The following ELMO1 variants were observed in gnomAD, a reference collection of about 807,000 sequenced individuals.
ELMO1 encodes the protein engulfment and cell motility protein 1.
Under a neutral mutation model 98.9 loss-of-function variants are expected in ELMO1, and 26 were observed. That is an observed-to-expected ratio of 0.26 (90% CI 0.19 to 0.36). The LOEUF is 0.36. ELMO1 is among the 10% of genes least tolerant of loss of function. The probability of loss-of-function intolerance (pLI) is 1.00; values close to 1 mark genes in which losing one functional copy is unlikely to be tolerated. For synonymous variants in ELMO1, 346 were observed against 346.0 expected (o/e 1.00, Z 0.00); for missense variants, 627 against 935.2 (o/e 0.67, Z 4.30).
chr7:37,143,384 G>A (rs1787763130), intron 13 of ELMO1, among the ~76,000 whole-genome samples: 1 of 152,172 alleles, frequency 6.6e-6, no homozygotes, highest in Non-Finnish European at 1.5e-5. Context: ...CCCTCTGGCA[G>A]AGTGGGCCTG....
intron 14 of ELMO1, among the ~76,000 whole-genome samples, chr7:37,120,305 C>T (rs1018418557): frequency 3.3e-5 from 5 of 152,212 alleles, no homozygotes; most frequent in African/African-American, 9.6e-5. Flanking sequence ...GCGCACCAAG[C>T]GTGACCCGAA....
At chr7:37,404,679 T>C (rs184808287) in intron 1 of ELMO1, among the ~76,000 whole-genome samples, 27 of 152,294 alleles carry the variant, frequency 1.8e-4, no homozygotes, top group African/African-American at 5.8e-4. Context: ...TTTGTGGCAA[T>C]GTAGCAAGGT....
intron 10 of ELMO1, among the ~76,000 whole-genome samples, chr7:37,219,708 C>G (rs1793489158): frequency 6.6e-6 from 1 of 152,190 alleles, no homozygotes; most frequent in Admixed American, 6.5e-5. Flanking sequence ...GAGACTCGAA[C>G]TCTGATTCTT....
chr7:36,927,933 C>T (rs914712450), intron 16 of ELMO1, among the ~76,000 whole-genome samples: 6 of 152,180 alleles, frequency 3.9e-5, no homozygotes, highest in African/African-American at 1.2e-4. Flanking sequence ...GATCTCACAA[C>T]AGTTCTGGGA....
At chr7:37,078,555 C>G (rs920361493) in intron 15 of ELMO1, among the ~76,000 whole-genome samples, 18 of 152,150 alleles carry the variant, frequency 1.2e-4, no homozygotes, top group African/African-American at 3.9e-4. Flanking sequence ...ATCTACATGA[C>G]TGCTCTGTGA....
chr7:36,945,766 T>C (rs1239937064), intron 16 of ELMO1, among the ~76,000 whole-genome samples: 4 of 152,182 alleles, frequency 2.6e-5, no homozygotes, highest in Non-Finnish European at 5.9e-5. Flanking sequence ...GACGGTACTA[T>C]TTTTAGCAAC....
intron 5 of ELMO1, among the ~76,000 whole-genome samples, chr7:37,259,962 T>A (rs1795897262): frequency 6.6e-6 from 1 of 152,200 alleles, no homozygotes; most frequent in Non-Finnish European, 1.5e-5. Flanking sequence ...AACTAAATAA[T>A]TAGGAAACCA....
chr7:37,131,884 T>C (rs1786944647), intron 14 of ELMO1, among the ~76,000 whole-genome samples: 1 of 152,160 alleles, frequency 6.6e-6, no homozygotes, highest in Non-Finnish European at 1.5e-5. Context: ...AGATTTAAAA[T>C]ATATTTCCTA....
chr7:37,423,592 C>T (rs1285908317), intron 1 of ELMO1, among the ~76,000 whole-genome samples: 1 of 130,276 alleles, frequency 7.7e-6, no homozygotes, highest in Non-Finnish European at 1.8e-5. Context: ...AGAAAACAAA[C>T]AAACAAACAA....
In ELMO1 at chr7:37,192,913, T is replaced by A. The variant is rs539790670; in HGVS notation, c.1086+18473A>T. 2.4e-3 allele frequency among the ~76,000 whole-genome samples: 348 copies of A among 143,714 alleles called. 2 individuals carry two copies. Among genetic ancestry groups the A allele is most frequent in the South Asian group, 0.015 (71 of 4,642 alleles). The allele number at this position is 143,714 out of a possible 152,430, so 94.3% of individuals were successfully genotyped here. A position where few individuals can be genotyped will look rare whatever the true frequency, so the allele number is the denominator to read the frequency against. On this transcript the variant is annotated intron_variant, in intron 13 of 21. Transcript: ENST00000310758. ...ATATTTATCTATAGATACATATATT[T>A]TATATATTATATATAATTTATATAT...
At chr7:37,174,957 A>C (rs548725508) in intron 13 of ELMO1, among the ~76,000 whole-genome samples, 190 of 152,256 alleles carry the variant, frequency 1.2e-3, no homozygotes, top group Non-Finnish European at 2.2e-3. Context: ...CACACTCCAA[A>C]TTTAAAGCCT....
intron 14 of ELMO1, among the ~76,000 whole-genome samples, chr7:37,100,983 C>T (rs1784607567): frequency 1.3e-5 from 2 of 152,338 alleles, no homozygotes; most frequent in African/African-American, 2.4e-5. Context: ...AGGCAAAGTC[C>T]CTAAAACTGC....
chr7:36,966,745 T>C (rs576195346), intron 16 of ELMO1, among the ~76,000 whole-genome samples: 1 of 152,262 alleles, frequency 6.6e-6, no homozygotes, highest in Admixed American at 6.5e-5. Flanking sequence ...AGAGAAATAA[T>C]GAAAAAGAAA....
chr7:37,143,629 A>AATC (rs920799229), intron 13 of ELMO1, among the ~76,000 whole-genome samples: 16 of 150,204 alleles, frequency 1.1e-4, no homozygotes, highest in Admixed American at 1.1e-3. Context: ...CTGATTTCGA[A>AATC]CTCCTGACCT....
upstream of ELMO1, chr7:37,449,092 C>G (rs1282518504): frequency 6.6e-6 from 1 of 152,384 alleles, no homozygotes; most frequent in Non-Finnish European, 1.5e-5. Flanking sequence ...TCCCTGCCCA[C>G]TGCACTTTGC....
At chr7:36,914,505 G>T (rs1428873109) in intron 16 of ELMO1, among the ~76,000 whole-genome samples, 1 of 150,600 alleles carries the variant, frequency 6.6e-6, no homozygotes, top group Non-Finnish European at 1.5e-5. Context: ...TATATGAAAT[G>T]AATGTACATT....
intron 13 of ELMO1, among the ~76,000 whole-genome samples, chr7:37,208,414 G>A (rs1301736492): frequency 1.3e-5 from 2 of 152,232 alleles, no homozygotes; most frequent in Non-Finnish European, 1.5e-5. Context: ...CTACTTGGGA[G>A]CAGAAACATG....
At chr7:37,069,262 T>C (rs1032933577) in intron 15 of ELMO1, among the ~76,000 whole-genome samples, 1 of 152,060 alleles carries the variant, frequency 6.6e-6, no homozygotes, top group Non-Finnish European at 1.5e-5. Context: ...AAAAATGTGC[T>C]TTATCTACAC....
chr7:37,132,800 G>A (rs1787016731), intron 14 of ELMO1, among the ~76,000 whole-genome samples: 1 of 152,076 alleles, frequency 6.6e-6, no homozygotes, highest in African/African-American at 2.4e-5. Context: ...TCTGAATTTG[G>A]AGTCATGCAA....
Sources: gnomAD v4.1 joint callset for allele counts (sites outside exome capture counted in the v4.1 genomes callset) on GRCh38, gnomAD v4.1.1 for gene constraint, MANE v1.5 for transcripts, NCBI Gene and HGNC (gene_info 2026-07-23, HGNC 2026-07-21) for gene names.